The following SLMAP variants were observed in gnomAD, a reference collection of about 807,000 sequenced individuals.
SLMAP encodes sarcolemma associated protein.
In SLMAP, 44 loss-of-function variants were observed where a neutral mutation model predicts 128.8. That is an observed-to-expected ratio of 0.34 (90% confidence interval 0.27 to 0.44). The LOEUF is 0.44. Ranked by LOEUF, SLMAP falls within the 20% of genes least tolerant of loss-of-function variation. The pLI is 1.00. For missense variants in SLMAP, 787 were observed against 985.3 expected, an observed-to-expected ratio of 0.80 and a Z score of 2.69; for synonymous variants, 327 against 348.8, an observed-to-expected ratio of 0.94 and a Z score of 0.70.
At chr3:57,831,652 T>TTA (rs1167658934) in intron 3 of SLMAP, 122 bp downstream of exon 3, 1 of 614,298 alleles carries the variant, frequency 1.6e-6, no homozygotes, top group African/African-American at 1.9e-5. Context: ...CAGCATTATA[T>TTA]ACAGTGAAAA....
intron 17 of SLMAP, among the ~76,000 whole-genome samples, chr3:57,906,666 G>GGA (rs2096573368): frequency 8.1e-5 from 2 of 24,726 alleles, no homozygotes; most frequent in Non-Finnish European, 1.9e-4. Context: ...CTATGAATAT[G>GGA]AAAAAAAAAT....
At chr3:57,864,488 G>C (rs2095236569) in intron 10 of SLMAP, 60 bp from the exon 11 acceptor site, 4 of 1,166,712 alleles carry the variant, frequency 3.4e-6, no homozygotes, top group Non-Finnish European at 1.2e-6. Flanking sequence ...GGCATTCCTG[G>C]GGCTCGCTCT....
At position 57,919,321 on chromosome 3, in the gene SLMAP, T is replaced by C. The variant is rs2096871450; in HGVS notation, c.2310+2244T>C. Among the ~76,000 whole-genome samples the C allele has an allele frequency of 2.0e-5, 3 of 151,102 alleles. No homozygotes were observed. In the South Asian group the frequency reaches 6.3e-4, roughly 32 times the overall value. On this transcript the variant is annotated intron_variant, in intron 22 of 24. Coordinates refer to ENST00000671191, the MANE Select transcript of SLMAP (RefSeq NM_001377540.1). ...GCTTGAACCCGGGAGGCGGAGGTTG[T>C]GGTGAGCTGAGATCAGGCCATTGCA... is the stretch of plus-strand genomic sequence containing the variant.
At chr3:57,821,912 T>TTCCTCC (rs112836711) in intron 2 of SLMAP, among the ~76,000 whole-genome samples, 51,052 of 148,516 alleles carry the variant, frequency 0.34, 9,785 homozygotes, top group South Asian at 0.56. Context: ...GCAATACCTG[T>TTCCTCC]TCCTCCTCCT....
intron 9 of SLMAP, among the ~76,000 whole-genome samples, 160 bp downstream of exon 9, chr3:57,860,999 A>G (rs1171319174): frequency 6.6e-6 from 1 of 152,222 alleles, no homozygotes; most frequent in Admixed American, 6.5e-5. Context: ...ATTGACAGCA[A>G]TTCTCCATGT....
chr3:57,764,662 T>G (rs1179894382), intron 2 of SLMAP, among the ~76,000 whole-genome samples: 1 of 152,220 alleles, frequency 6.6e-6, no homozygotes, highest in Non-Finnish European at 1.5e-5. Flanking sequence ...CTTGTTAACT[T>G]ATTTAATCTT....
intron 14 of SLMAP, among the ~76,000 whole-genome samples, chr3:57,888,761 A>G (rs781293048): frequency 6.6e-6 from 1 of 152,238 alleles, no homozygotes; most frequent in Non-Finnish European, 1.5e-5. Context: ...AGAAATATAA[A>G]TGTAAGTATC....
At chr3:57,917,743 A>C (rs1397450996) in intron 22 of SLMAP, 1 of 153,152 alleles carries the variant, frequency 6.5e-6, no homozygotes, top group African/African-American at 2.4e-5. Context: ...AGTTGACAGC[A>C]GGGCAGTAAG....
intron 2 of SLMAP, chr3:57,801,308 A>G (rs1369803614): frequency 6.5e-6 from 1 of 152,752 alleles, no homozygotes; most frequent in Non-Finnish European, 1.5e-5. Context: ...TCATCCTGTA[A>G]TATTTGAGTC....
chr3:57,865,097 A>C, intron 12 of SLMAP, 145 bp from the exon 13 acceptor site: 1 of 601,210 alleles, frequency 1.7e-6, no homozygotes, highest in Non-Finnish European at 2.9e-6. Flanking sequence ...TATTTAAATA[A>C]GAAAAGTACA....
intron 2 of SLMAP, among the ~76,000 whole-genome samples, chr3:57,761,493 C>A (rs78496631): frequency 6.6e-6 from 1 of 151,670 alleles, no homozygotes; most frequent in Non-Finnish European, 1.5e-5. Flanking sequence ...CAGGGTTTCA[C>A]CATGTTGGCC....
chr3:57,861,907 TAC>T, intron 9 of SLMAP, 40 bp from the exon 10 acceptor site: 1 of 1,541,884 alleles, frequency 6.5e-7, no homozygotes. Context: ...ATAACAAATA[TAC>T]ACTTATTCTA....
chr3:57,786,617 C>T lies in SLMAP; in HGVS notation c.198+28768C>T, dbSNP rs563340729. 2.1e-5 allele frequency among the ~76,000 whole-genome samples: 3 copies of T among 146,002 alleles called. No individual in the cohort carries two copies. In the South Asian group the frequency reaches 6.5e-4, roughly 32 times the overall value. On this transcript the variant is annotated intron_variant, in intron 2 of 24. Transcript: ENST00000671191. ...TGTTATCCAGGCTGGAGTGCAGTGG[C>T]ACGATCTTGGTTCACTACAACCTCC...
intron 4 of SLMAP, among the ~76,000 whole-genome samples, chr3:57,846,659 C>T (rs189081958): frequency 6.9e-4 from 104 of 150,854 alleles, no homozygotes; most frequent in African/African-American, 2.1e-3. Flanking sequence ...TGAGTTCAAG[C>T]GATTCTTATG....
At chr3:57,888,874 T>C (rs2153646817) in intron 14 of SLMAP, among the ~76,000 whole-genome samples, 1 of 152,074 alleles carries the variant, frequency 6.6e-6, no homozygotes, top group East Asian at 1.9e-4. Context: ...AATCAAAATC[T>C]GTTACTTTCT....
intron 2 of SLMAP, among the ~76,000 whole-genome samples, chr3:57,765,423 G>C (rs186230726): frequency 6.6e-6 from 1 of 152,220 alleles, no homozygotes; most frequent in East Asian, 1.9e-4. Context: ...ATAGATTGTA[G>C]TTAGGGTCAG....
chr3:57,885,229 C>T (rs528584218), intron 14 of SLMAP, among the ~76,000 whole-genome samples: 4 of 151,492 alleles, frequency 2.6e-5, no homozygotes, highest in African/African-American at 9.7e-5. Flanking sequence ...CCCACCACCA[C>T]GCCCGGCTAA....
intron 6 of SLMAP, among the ~76,000 whole-genome samples, chr3:57,855,114 G>A (rs2094706883): frequency 6.6e-6 from 1 of 152,076 alleles, no homozygotes; most frequent in Non-Finnish European, 1.5e-5. Context: ...AAAGGCTGGA[G>A]GCAGTGTAAT....
chr3:57,862,168 T>C, intron 10 of SLMAP, 82 bp downstream of exon 10: 1 of 1,169,096 alleles, frequency 8.6e-7, no homozygotes, highest in Non-Finnish European at 1.2e-6. Flanking sequence ...GGTATTGCTT[T>C]AGCTGGGCGT....
Sources: gnomAD v4.1 joint callset for allele counts (sites outside exome capture counted in the v4.1 genomes callset) on GRCh38, gnomAD v4.1.1 for gene constraint, MANE v1.5 for transcripts, NCBI Gene and HGNC (gene_info 2026-07-23, HGNC 2026-07-21) for gene names.